Variants in CSMD1 observed in about 807,000 individuals in gnomAD.
CSMD1 encodes the protein CUB and Sushi multiple domains 1.
In CSMD1, 213 loss-of-function variants were observed where a neutral mutation model predicts 417.5. The observed-to-expected ratio is 0.51, with a 90% confidence interval of 0.46 to 0.57. The LOEUF is 0.57. Ranked by LOEUF, CSMD1 falls within the 20% of genes least tolerant of loss-of-function variation. The pLI is 0.00. For missense variants in CSMD1, 6,923 were observed against 4,529.7 expected (o/e 1.53, Z -15.17); for synonymous variants, 2,862 against 1,736.8 (o/e 1.65, Z -16.11).
intron 5 of CSMD1, among the ~76,000 whole-genome samples, chr8:3,908,122 G>A (rs1808230901): frequency 6.6e-6 from 1 of 152,102 alleles, no homozygotes; most frequent in African/African-American, 2.4e-5. Flanking sequence ...GAGCCCCTCT[G>A]AGAATAACAA....
At chr8:4,225,883 C>A (rs971621188) in intron 3 of CSMD1, among the ~76,000 whole-genome samples, 1 of 152,084 alleles carries the variant, frequency 6.6e-6, no homozygotes, top group African/African-American at 2.4e-5. Context: ...TTGGATTCTT[C>A]TATTAAGATT....
intron 12 of CSMD1, among the ~76,000 whole-genome samples, chr8:3,420,293 C>A (rs192420541): frequency 8.9e-4 from 135 of 152,066 alleles, no homozygotes; most frequent in African/African-American, 3.1e-3. Context: ...CAATACCAAC[C>A]AGGACTCCTC....
intron 3 of CSMD1, among the ~76,000 whole-genome samples, chr8:4,232,526 C>T (rs1801801518): frequency 6.6e-6 from 1 of 152,124 alleles, no homozygotes; most frequent in South Asian, 2.1e-4. Flanking sequence ...TACACACTAC[C>T]TATGAAGAAT....
intron 3 of CSMD1, among the ~76,000 whole-genome samples, chr8:4,418,602 G>A (rs2128938850): frequency 6.6e-6 from 1 of 152,246 alleles, no homozygotes; most frequent in Middle Eastern, 3.4e-3. Context: ...GACAAAATAT[G>A]CCTGGCATAT....
chr8:3,139,846 G>C (rs188567454), intron 41 of CSMD1, among the ~76,000 whole-genome samples: 35 of 151,772 alleles, frequency 2.3e-4, no homozygotes, highest in Admixed American at 8.5e-4. Flanking sequence ...AGGAAGAGAG[G>C]TACCTAGAGC....
chr8:4,218,078 C>T (rs1377357353), intron 3 of CSMD1, among the ~76,000 whole-genome samples: 2 of 152,170 alleles, frequency 1.3e-5, no homozygotes, highest in African/African-American at 4.8e-5. Flanking sequence ...CCTGAGGTTG[C>T]AATTTTTTGA....
chr8:4,023,481 T>C (rs1000627712), intron 4 of CSMD1, among the ~76,000 whole-genome samples: 2 of 152,074 alleles, frequency 1.3e-5, no homozygotes, highest in Non-Finnish European at 2.9e-5. Flanking sequence ...GATTGCAATG[T>C]TGGAATCACA....
intron 3 of CSMD1, among the ~76,000 whole-genome samples, chr8:4,181,500 A>T (rs1464393059): frequency 6.6e-6 from 1 of 152,178 alleles, no homozygotes; most frequent in African/African-American, 2.4e-5. Flanking sequence ...ATGAGCTTTA[A>T]AAAAATCACC....
At chr8:4,083,649 T>C (rs1800263345) in intron 3 of CSMD1, among the ~76,000 whole-genome samples, 1 of 152,124 alleles carries the variant, frequency 6.6e-6, no homozygotes, top group African/African-American at 2.4e-5. Context: ...TGTAGAAAGC[T>C]GAAACTGGAT....
intron 12 of CSMD1, among the ~76,000 whole-genome samples, chr8:3,443,420 C>A (rs528185865): frequency 5.6e-4 from 85 of 152,270 alleles, no homozygotes; most frequent in African/African-American, 1.9e-3. Context: ...GCCTAAAACA[C>A]ATTACTGCTT....
chr8:4,364,941 C>G (rs369480796), intron 3 of CSMD1, among the ~76,000 whole-genome samples: 1 of 149,792 alleles, frequency 6.7e-6, no homozygotes. Context: ...TCAAAGCACC[C>G]GACAAAAACG....
At chr8:3,923,919 T>A (rs1343139381) in intron 5 of CSMD1, among the ~76,000 whole-genome samples, 1 of 152,218 alleles carries the variant, frequency 6.6e-6, no homozygotes, top group Non-Finnish European at 1.5e-5. Flanking sequence ...TTAAATTTCA[T>A]AAAAGAGTTA....
intron 2 of CSMD1, among the ~76,000 whole-genome samples, chr8:4,450,436 G>C (rs1028346836): frequency 6.6e-6 from 1 of 152,060 alleles, no homozygotes; most frequent in Non-Finnish European, 1.5e-5. Context: ...GACCATCTTG[G>C]CCAACAGGGT....
At chr8:4,077,266 G>A (rs1015010798) in intron 3 of CSMD1, among the ~76,000 whole-genome samples, 4 of 110,968 alleles carry the variant, frequency 3.6e-5, no homozygotes, top group African/African-American at 1.5e-4. Flanking sequence ...CACTGTAAAA[G>A]CCCATTTGTC....
intron 3 of CSMD1, among the ~76,000 whole-genome samples, chr8:4,342,033 T>C (rs910934514): frequency 6.6e-6 from 1 of 152,130 alleles, no homozygotes; most frequent in Non-Finnish European, 1.5e-5. Context: ...AAGATACAAA[T>C]TCTTGATATG....
chr8:3,652,168 TACC>T (rs1409335946), intron 7 of CSMD1, among the ~76,000 whole-genome samples: 26 of 145,858 alleles, frequency 1.8e-4, no homozygotes, highest in Non-Finnish European at 7.5e-5. Context: ...TCAGAGCGCT[TACC>T]ACCATCAGAA....
At chr8:3,620,960 G>C (rs954455706) in intron 7 of CSMD1, among the ~76,000 whole-genome samples, 1 of 152,156 alleles carries the variant, frequency 6.6e-6, no homozygotes, top group Non-Finnish European at 1.5e-5. Context: ...AGACTTTAAA[G>C]AGGTAATTAA....
chr8:4,241,376 G>A (rs1050046720), intron 3 of CSMD1, among the ~76,000 whole-genome samples: 2 of 152,116 alleles, frequency 1.3e-5, no homozygotes, highest in Non-Finnish European at 2.9e-5. Context: ...AGGTCCTCAG[G>A]GAAACCCTTC....
At chr8:4,910,995 A>T (rs189456115) in intron 1 of CSMD1, among the ~76,000 whole-genome samples, 44 of 152,196 alleles carry the variant, frequency 2.9e-4, no homozygotes, top group African/African-American at 1.0e-3. Flanking sequence ...CATAAGGGGG[A>T]ATTTCCCTAC....
Sources: allele counts gnomAD v4.1 joint callset (sites outside exome capture counted in the v4.1 genomes callset), GRCh38; gene constraint gnomAD v4.1.1; transcripts MANE v1.5; gene names NCBI Gene and HGNC (gene_info 2026-07-23, HGNC 2026-07-21).